The following DTD1 variants were observed in gnomAD, a reference collection of about 807,000 sequenced individuals.
The protein encoded by DTD1 is D-aminoacyl-tRNA deacylase 1.
DTD1 carries 13 observed loss-of-function variants against 25.6 expected under a neutral mutation model. The ratio of observed to expected loss-of-function variants is 0.51; its 90% CI spans 0.33 to 0.81. The LOEUF is 0.81. DTD1 is among the 30% of genes least tolerant of loss of function. The pLI, the probability that DTD1 is intolerant of heterozygous loss-of-function variation, is 0.02. For missense variants in DTD1, 193 were observed against 266.4 expected (o/e 0.72, Z 1.92); for synonymous variants, 110 against 103.6 (o/e 1.06, Z -0.37).
rs143688887 is a variant in DTD1 at position 18,670,143 on chromosome 20, C to T, written c.477+41910C>T. 4.0e-4 allele frequency among the ~76,000 whole-genome samples: 61 copies of T among 152,264 alleles called. 1 individual carries two copies. In the South Asian group the frequency reaches 8.1e-3, roughly 20 times the overall value. ...GCTGATGTGTACAGCCGCTTGTTAG[C>T]GCTCTCATTGTCTTCAAATGTAAGT... On this transcript the variant is annotated intron_variant, in intron 4 of 5. Coordinates refer to ENST00000377452, the MANE Select transcript of DTD1 (RefSeq NM_080820.6).
At chr20:18,760,482 G>C (rs887385819) in intron 5 of DTD1, among the ~76,000 whole-genome samples, 1 of 152,156 alleles carries the variant, frequency 6.6e-6, no homozygotes, top group African/African-American at 2.4e-5. Flanking sequence ...AGGTCTGTTG[G>C]AGTTTGCTGG....
At chr20:18,702,674 T>C (rs6081312) in intron 4 of DTD1, among the ~76,000 whole-genome samples, 58,924 of 146,604 alleles carry the variant, frequency 0.4, 11,821 homozygotes, top group African/African-American at 0.44. Flanking sequence ...ATGCCTGCCA[T>C]ATAGGATAGG....
chr20:18,646,805 G>C (rs1036798179), intron 4 of DTD1, among the ~76,000 whole-genome samples: 5 of 152,176 alleles, frequency 3.3e-5, no homozygotes, highest in Non-Finnish European at 5.9e-5. Context: ...AACCCAACAT[G>C]GTTTTGAAAT....
intron 5 of DTD1, among the ~76,000 whole-genome samples, chr20:18,761,593 C>T (rs959887632): frequency 6.6e-6 from 1 of 151,956 alleles, no homozygotes; most frequent in African/African-American, 2.4e-5. Flanking sequence ...TAAATTATCC[C>T]AATGCATTAA....
intron 1 of DTD1, among the ~76,000 whole-genome samples, chr20:18,592,107 TGTAACATGACATA>T (rs2060591838): frequency 6.6e-6 from 1 of 152,212 alleles, no homozygotes; most frequent in African/African-American, 2.4e-5. Flanking sequence ...AGCAGTGTAT[TGTAACATGACATA>T]GTCTATGTTA....
At chr20:18,716,055 A>C (rs2061179312) in intron 4 of DTD1, among the ~76,000 whole-genome samples, 1 of 152,172 alleles carries the variant, frequency 6.6e-6, no homozygotes, top group African/African-American at 2.4e-5. Context: ...GGTTTGCTAG[A>C]AGCTTCAAAC....
chr20:18,593,384 G>A (rs906148328), intron 1 of DTD1, among the ~76,000 whole-genome samples: 1 of 152,098 alleles, frequency 6.6e-6, no homozygotes, highest in African/African-American at 2.4e-5. Flanking sequence ...TGGCTTCTCT[G>A]GGGGAGGAAA....
intron 4 of DTD1, among the ~76,000 whole-genome samples, chr20:18,736,959 C>T (rs116879220): frequency 0.054 from 8,193 of 152,294 alleles, 313 homozygotes; most frequent in Non-Finnish European, 0.071. Flanking sequence ...ATGGGTGGCT[C>T]GGGCTCCTGC....
chr20:18,741,930 G>C (rs1336147091), intron 4 of DTD1, among the ~76,000 whole-genome samples: 1 of 145,050 alleles, frequency 6.9e-6, no homozygotes, highest in Non-Finnish European at 1.5e-5. Flanking sequence ...GTAGAGACAG[G>C]GTCTCTCTAT....
At chr20:18,704,600 G>T (rs756097025) in intron 4 of DTD1, among the ~76,000 whole-genome samples, 1 of 152,072 alleles carries the variant, frequency 6.6e-6, no homozygotes, top group Admixed American at 6.6e-5. Flanking sequence ...GCCATGGTTC[G>T]CACCCATTTT....
chr20:18,687,664 C>T (rs538339468), intron 4 of DTD1, among the ~76,000 whole-genome samples: 11 of 152,158 alleles, frequency 7.2e-5, no homozygotes, highest in Admixed American at 3.9e-4. Flanking sequence ...AAGTAATCCT[C>T]CTACCTCGGC....
chr20:18,692,890 A>ATTTTTTTT (rs34962546), intron 4 of DTD1, among the ~76,000 whole-genome samples: 3 of 112,468 alleles, frequency 2.7e-5, no homozygotes, highest in Admixed American at 1.1e-4. Context: ...CAGGACATGG[A>ATTTTTTTT]TTTTTTTTTT....
At chr20:18,734,436 G>A (rs1265192592) in intron 4 of DTD1, among the ~76,000 whole-genome samples, 1 of 152,234 alleles carries the variant, frequency 6.6e-6, no homozygotes, top group Non-Finnish European at 1.5e-5. Flanking sequence ...TCATTCTCAT[G>A]ATAATCCATT....
intron 4 of DTD1, among the ~76,000 whole-genome samples, chr20:18,733,150 G>T (rs941474298): frequency 3.3e-5 from 5 of 152,182 alleles, no homozygotes; most frequent in African/African-American, 1.2e-4. Flanking sequence ...TCCTCAGGGG[G>T]ACTGTGTGGG....
intron 4 of DTD1, among the ~76,000 whole-genome samples, chr20:18,704,547 A>C (rs2061118498): frequency 1.3e-5 from 2 of 151,986 alleles, no homozygotes; most frequent in Admixed American, 1.3e-4. Flanking sequence ...TAAGAACAGA[A>C]ATTTTGTTGT....
At position 18,588,122 on chromosome 20, in the gene DTD1, C is replaced by T. The variant is rs1204764587; in HGVS notation, c.43+7C>T. 3 of 1,272,196 alleles carry T rather than the reference C, an allele frequency of 2.4e-6. No individual in the cohort carries two copies. The highest frequency in any genetic ancestry group is 1.6e-5 in the African/African-American group (1 of 63,816). The allele number at this position is 1,272,196 out of a possible 1,614,324, so 78.8% of individuals were successfully genotyped here. A position where few individuals can be genotyped will look rare whatever the true frequency, so the allele number is the denominator to read the frequency against. ...ACCCGGGCCAGCGTCACAGGTCAGT[C>T]GGGCGGGGCCGGGCCCGGGAGGAGC... On this transcript the variant is annotated splice_region_variant and intron_variant, in intron 1 of 5. Transcript: ENST00000377452.
In DTD1 at chr20:18,765,797, G is replaced by A. The variant is rs2061377224; in HGVS notation, c.*2457G>A. 6.6e-6 allele frequency: 1 copy of A among 152,174 alleles called. No homozygotes were observed. The highest frequency in any genetic ancestry group is 2.1e-4 in the South Asian group (1 of 4,832). The allele number at this position is 152,174 out of a possible 1,614,324, so 9.4% of individuals were successfully genotyped here. On this transcript the variant is annotated 3_prime_UTR_variant, in exon 6 of 6. Transcript: ENST00000377452. ...TCTTTACATCTCTCCCAACATCTCTGCCTCCTTCTTTCTGCTTATTTATAA... is the reference window on the plus strand; with the variant it reads ...TCTTTACATCTCTCCCAACATCTCTACCTCCTTCTTTCTGCTTATTTATAA...
In DTD1 at chr20:18,593,833, T is replaced by C. The variant is rs375190191; in HGVS notation, c.134+12T>C. On this transcript the variant is annotated intron_variant, in intron 2 of 5. Transcript: ENST00000377452. ...GAACTGGAACACATGTAAGATGCATTTCTGTCATTGCTGTTTGAGTGGGCT... is the reference window on the plus strand; with the variant it reads ...GAACTGGAACACATGTAAGATGCATCTCTGTCATTGCTGTTTGAGTGGGCT... 26 of 1,608,694 alleles carry C rather than the reference T, an allele frequency of 1.6e-5. No individual in the cohort carries two copies. In the African/African-American group the frequency reaches 2.7e-4, roughly 17 times the overall value.
chr20:18,745,273 C>T (rs1453036982), intron 5 of DTD1, among the ~76,000 whole-genome samples: 1 of 152,172 alleles, frequency 6.6e-6, no homozygotes, highest in African/African-American at 2.4e-5. Flanking sequence ...GAGTCCACCT[C>T]CCTGCCTGAA....
Sources: gnomAD v4.1 joint callset for allele counts (sites outside exome capture counted in the v4.1 genomes callset) on GRCh38, gnomAD v4.1.1 for gene constraint, MANE v1.5 for transcripts, NCBI Gene and HGNC (gene_info 2026-07-23, HGNC 2026-07-21) for gene names.